SEL1L: variants seen among roughly 807,000 people sequenced by gnomAD.
SEL1L encodes the protein protein sel-1 homolog 1.
In SEL1L, 52 loss-of-function variants were observed where a neutral mutation model predicts 109.8. That is an observed-to-expected ratio of 0.47 (90% CI 0.38 to 0.60). The LOEUF is 0.60. Among genes scored for constraint, SEL1L ranks in the 20% least tolerant of loss-of-function variants. The probability of loss-of-function intolerance (pLI) is 0.00; values close to 1 mark genes in which losing one functional copy is unlikely to be tolerated. For missense variants in SEL1L, 749 were observed against 962.2 expected (o/e 0.78, Z 2.93); for synonymous variants, 373 against 339.6 (o/e 1.10, Z -1.08).
chr14:81,510,514 C>CTCTCTA lies in SEL1L; in HGVS notation c.341-4274_341-4273insTAGAGA, dbSNP rs35474067. On this transcript the variant is annotated intron_variant, in intron 3 of 20. Coordinates refer to ENST00000336735, the MANE Select transcript of SEL1L (RefSeq NM_005065.6). ...TCTCTCTCTCTCTCTCTCTCTCTCT[C>CTCTCTA]TATATATATATATATAGACAATTAA... Among the ~76,000 whole-genome samples, 498 of 104,040 alleles carry CTCTCTA rather than the reference C, an allele frequency of 4.8e-3. 4 individuals carry two copies. The highest frequency in any genetic ancestry group is 7.5e-3 in the Middle Eastern group (1 of 134). The allele number at this position is 104,040 out of a possible 152,430, so 68.3% of individuals were successfully genotyped here.
Position 81,533,746 on chromosome 14 carries a change from C to A in SEL1L, c.-2G>T. The A allele has an allele frequency of 6.2e-7, 1 of 1,613,184 alleles. No homozygotes were observed. Among genetic ancestry groups the A allele is most frequent in the Non-Finnish European group, 8.5e-7 (1 of 1,179,708 alleles). ...CGTCAGCCCTATCCGGACCCGCATC[C>A]TCCTCTCGGGGCCGGTGCCAACCCC... On this transcript the variant is annotated 5_prime_UTR_variant, in exon 1 of 21. It adds an upstream start codon to the 5' untranslated region. Transcript: ENST00000336735.
At chr14:81,489,587 T>C (rs947122303) in intron 13 of SEL1L, among the ~76,000 whole-genome samples, 3 of 152,218 alleles carry the variant, frequency 2.0e-5, no homozygotes, top group Non-Finnish European at 2.9e-5. Context: ...ATCTGTACCA[T>C]GAATTTATGA....
Position 81,516,658 on chromosome 14 carries a change from T to C in SEL1L, c.340+10075A>G, listed in dbSNP as rs183423268. ...TGTGGTTTACACGCAATACTACCCATTTTTCTTCTGGGATTCTACAGTTTT... is the reference window on the plus strand; with the variant it reads ...TGTGGTTTACACGCAATACTACCCACTTTTCTTCTGGGATTCTACAGTTTT... On this transcript the variant is annotated intron_variant, in intron 3 of 20. Transcript: ENST00000336735. Among the ~76,000 whole-genome samples the C allele has an allele frequency of 3.2e-4, 48 of 152,296 alleles. No individual in the cohort carries two copies. In the East Asian group the frequency reaches 8.7e-3, roughly 28 times the overall value.
intron 6 of SEL1L, among the ~76,000 whole-genome samples, chr14:81,501,641 T>G (rs1213367109): frequency 6.6e-6 from 1 of 152,168 alleles, no homozygotes; most frequent in Non-Finnish European, 1.5e-5. Context: ...GATTAGATAT[T>G]TCACTTATCT....
intron 15 of SEL1L, 92 bp from the exon 16 acceptor site, chr14:81,487,630 G>T: frequency 1.3e-6 from 2 of 1,527,506 alleles, no homozygotes; most frequent in Non-Finnish European, 1.8e-6. Flanking sequence ...AAACTCTAAT[G>T]AAAGAATTCT....
At chr14:81,498,730 A>G (rs1883885360) in intron 8 of SEL1L, 1 of 344,306 alleles carries the variant, frequency 2.9e-6, no homozygotes, top group Admixed American at 4.4e-5. Context: ...ATCAAAATAG[A>G]TGTCATAAAC....
intron 15 of SEL1L, 73 bp from the exon 16 acceptor site, chr14:81,487,611 T>C (rs993702288): frequency 2.6e-6 from 4 of 1,549,374 alleles, no homozygotes; most frequent in East Asian, 4.5e-5. Context: ...GGCTTATATA[T>C]GAAGAATAAA....
chr14:81,496,884 C>T (rs1387509814), intron 10 of SEL1L, among the ~76,000 whole-genome samples: 1 of 152,096 alleles, frequency 6.6e-6, no homozygotes, highest in Non-Finnish European at 1.5e-5. Flanking sequence ...TCTGTGCTGT[C>T]CTGGAAATGG....
At chr14:81,506,019 A>G in intron 4 of SEL1L, 55 bp downstream of exon 4, 1 of 1,537,542 alleles carries the variant, frequency 6.5e-7, no homozygotes, top group Non-Finnish European at 8.8e-7. Flanking sequence ...GGCCTTAAAA[A>G]CATTGCCCTA....
chr14:81,510,752 A>T (rs911440352), intron 3 of SEL1L, among the ~76,000 whole-genome samples: 1 of 152,170 alleles, frequency 6.6e-6, no homozygotes, highest in African/African-American at 2.4e-5. Flanking sequence ...ACTTCCAAAC[A>T]TAGAGTACTA....
Position 81,533,806 on chromosome 14 carries a change from T to A in SEL1L, c.-62A>T. On this transcript the variant is annotated 5_prime_UTR_variant, in exon 1 of 21. Transcript: ENST00000336735. ...CGCCTTCGCCTCTGCCACCACGGAC[T>A]CAGCCACCACCGCCGCCTCGCCGCT... 6.6e-7 allele frequency: 1 copy of A among 1,512,794 alleles called. No homozygotes were observed. Among genetic ancestry groups the A allele is most frequent in the Non-Finnish European group, 9.1e-7 (1 of 1,101,112 alleles). The allele number at this position is 1,512,794 out of a possible 1,614,324, so 93.7% of individuals were successfully genotyped here. A position where few individuals can be genotyped will look rare whatever the true frequency, so the allele number is the denominator to read the frequency against.
intron 19 of SEL1L, among the ~76,000 whole-genome samples, chr14:81,481,604 A>AT (rs1903357953): frequency 6.6e-6 from 1 of 152,156 alleles, no homozygotes; most frequent in African/African-American, 2.4e-5. Context: ...TAATATGATG[A>AT]TTTTTTCCAA....
chr14:81,479,519 T>A, intron 20 of SEL1L, 93 bp downstream of exon 20: 1 of 1,339,304 alleles, frequency 7.5e-7, no homozygotes, highest in South Asian at 1.5e-5. Context: ...GCAGGACCAC[T>A]CTTCCCTGTG....
At position 81,533,829 on chromosome 14, in the gene SEL1L, G is replaced by C; in HGVS notation, c.-85C>G. On this transcript the variant is annotated 5_prime_UTR_variant, in exon 1 of 21. Transcript: ENST00000336735. ...ACTCAGCCACCACCGCCGCCTCGCC[G>C]CTGCTCTTCCTGCTCTAGTCTCCTT... is the stretch of plus-strand genomic sequence containing the variant. 1.5e-6 allele frequency: 2 copies of C among 1,357,376 alleles called. No homozygotes were observed. The highest frequency in any genetic ancestry group is 2.4e-5 in the South Asian group (2 of 81,768). The allele number at this position is 1,357,376 out of a possible 1,614,324, so 84.1% of individuals were successfully genotyped here.
intron 3 of SEL1L, among the ~76,000 whole-genome samples, chr14:81,520,362 C>T (rs1018862485): frequency 1.3e-5 from 2 of 152,066 alleles, no homozygotes; most frequent in East Asian, 1.9e-4. Flanking sequence ...AAAATATATA[C>T]CAAGAATAAG....
intron 1 of SEL1L, among the ~76,000 whole-genome samples, chr14:81,528,559 C>T (rs1396223878): frequency 6.6e-6 from 1 of 152,152 alleles, no homozygotes; most frequent in African/African-American, 2.4e-5. Context: ...CATGCAACAA[C>T]TCAATGTTCA....
intron 3 of SEL1L, among the ~76,000 whole-genome samples, chr14:81,511,848 T>C (rs1178324000): frequency 6.6e-6 from 1 of 152,212 alleles, no homozygotes; most frequent in Non-Finnish European, 1.5e-5. Context: ...TTTTTCTTTT[T>C]TAAGGCTATA....
intron 3 of SEL1L, among the ~76,000 whole-genome samples, chr14:81,512,719 A>AT (rs1247618143): frequency 3.3e-5 from 5 of 152,190 alleles, no homozygotes; most frequent in East Asian, 1.9e-4. Context: ...TGTCTGATGG[A>AT]TTTTTTTATT....
In SEL1L at chr14:81,504,179, T is replaced by A. The variant is rs762499939; in HGVS notation, c.614+22A>T. ...GTAATGGCCTGTCATGGGGGAAAAG[T>A]GGACTTAGCAGTGCTACCTACTCTC... On this transcript the variant is annotated intron_variant, in intron 5 of 20. Coordinates refer to ENST00000336735, the MANE Select transcript of SEL1L (RefSeq NM_005065.6). 4 of 1,451,028 alleles carry A rather than the reference T, an allele frequency of 2.8e-6. No homozygotes were observed. In the Admixed American group the frequency reaches 7.9e-5, roughly 29 times the overall value. The allele number at this position is 1,451,028 out of a possible 1,614,324, so 89.9% of individuals were successfully genotyped here.
Sources: allele counts gnomAD v4.1 joint callset (sites outside exome capture counted in the v4.1 genomes callset), GRCh38; gene constraint gnomAD v4.1.1; transcripts MANE v1.5; gene names NCBI Gene and HGNC (gene_info 2026-07-23, HGNC 2026-07-21).